The following PIEZO2 variants were observed in gnomAD, a reference collection of about 807,000 sequenced individuals.
PIEZO2 encodes piezo-type mechanosensitive ion channel component 2.
PIEZO2 carries 172 observed loss-of-function variants against 337.3 expected under a neutral mutation model. That is an observed-to-expected ratio of 0.51 (90% confidence interval 0.45 to 0.58). The LOEUF is 0.58. Among genes scored for constraint, PIEZO2 ranks in the 20% least tolerant of loss-of-function variants. PIEZO2 has a pLI of 0.00. For missense variants in PIEZO2, 3,028 were observed against 3,391.3 expected (o/e 0.89, Z 2.66); for synonymous variants, 1,251 against 1,228.5 (o/e 1.02, Z -0.38).
At chr18:11,049,397 C>T (rs1329403832) in intron 2 of PIEZO2, among the ~76,000 whole-genome samples, 3 of 152,192 alleles carry the variant, frequency 2.0e-5, no homozygotes, top group African/African-American at 4.8e-5. Flanking sequence ...CTGCCTAGTA[C>T]AAGGCCTGGT....
Position 10,704,433 on chromosome 18 carries a change from G to A in PIEZO2, c.6219C>T (p.Pro2073=). 6.5e-7 allele frequency: 1 copy of A among 1,537,218 alleles called. No individual in the cohort carries two copies. Among genetic ancestry groups the A allele is most frequent in the Middle Eastern group, 1.7e-4 (1 of 5,988 alleles). The change falls in exon 42 of 56, where the codon CCC becomes CCT. Residue 2073 remains proline, a synonymous_variant. Transcript: ENST00000674853. The part of the protein sequence containing the change: ...FLWAMLSVPR[P]SRRFWMMAIV... The stretch of plus-strand genomic sequence containing the variant: ...TGGCCATCATCCAGAACCGGCGGCT[G>A]GGCCTGGGGACGGACAACATGGCCC...
chr18:10,875,628 G>C (rs2042249764), intron 4 of PIEZO2, among the ~76,000 whole-genome samples: 2 of 152,114 alleles, frequency 1.3e-5, no homozygotes. Flanking sequence ...TCCAAGTACA[G>C]TCGAGAGAAA....
rs1316830314 is a variant in PIEZO2, at chr18:10,698,008, T to A, written c.6695-128A>T. 1.2e-5 allele frequency: 2 copies of A among 164,610 alleles called. 1 individual carries two copies. 10.2% of individuals were successfully genotyped at this position (164,610 alleles called of 1,614,324 possible). ...TCAGGACTGTTTGGGAGGATGAGTA[T>A]GCACGGCCTTGGGATTTGTCCTCAA... On this transcript the variant is annotated intron_variant, in intron 44 of 55. Coordinates refer to ENST00000674853, the MANE Select transcript of PIEZO2 (RefSeq NM_001378183.1).
At chr18:10,964,506 TCTA>T (rs1253146375) in intron 3 of PIEZO2, among the ~76,000 whole-genome samples, 2 of 152,206 alleles carry the variant, frequency 1.3e-5, no homozygotes, top group Admixed American at 6.5e-5. Context: ...TTATTTAAAA[TCTA>T]CTAAATTAGC....
chr18:11,040,996 T>C (rs1352332601), intron 2 of PIEZO2, among the ~76,000 whole-genome samples: 1 of 152,156 alleles, frequency 6.6e-6, no homozygotes, highest in Admixed American at 6.5e-5. Context: ...AACTGTTTTC[T>C]ACAAAACAGC....
At chr18:10,802,848 T>C (rs945216162) in intron 9 of PIEZO2, among the ~76,000 whole-genome samples, 1 of 152,028 alleles carries the variant, frequency 6.6e-6, no homozygotes, top group African/African-American at 2.4e-5. Context: ...GGCACATGCC[T>C]GTAGTCCCAG....
At chr18:11,010,666 G>T (rs1457807607) in intron 2 of PIEZO2, among the ~76,000 whole-genome samples, 2 of 152,150 alleles carry the variant, frequency 1.3e-5, no homozygotes, top group Admixed American at 6.5e-5. Context: ...GAAATGGGGG[G>T]CTCTGAGAAA....
chr18:11,058,070 C>A (rs902036661), intron 2 of PIEZO2, among the ~76,000 whole-genome samples: 1 of 152,108 alleles, frequency 6.6e-6, no homozygotes, highest in Non-Finnish European at 1.5e-5. Context: ...AAAGACTGCC[C>A]CGGTCTACAG....
At position 11,108,262 on chromosome 18, in the gene PIEZO2, G is replaced by A. The variant is rs76001614; in HGVS notation, c.64+40263C>T. Among the ~76,000 whole-genome samples, 46 of 152,176 alleles carry A rather than the reference G, an allele frequency of 3.0e-4. 1 individual carries two copies. The East Asian group carries it at 7.0e-3, about 23-fold the overall frequency. On this transcript the variant is annotated intron_variant, in intron 1 of 55. Transcript: ENST00000674853. ...AGATTCTACCTGCAGAATCTTAGAC[G>A]GGAAAGATCACAGTATAATCAGCTG...
At chr18:10,758,210 A>C in intron 26 of PIEZO2, 76 bp from the exon 27 acceptor site, 1 of 1,418,334 alleles carries the variant, frequency 7.1e-7, no homozygotes, top group Middle Eastern at 1.8e-4. Context: ...CAGTCATCAC[A>C]CAGCAACAGC....
chr18:10,902,020 A>G (rs1333003288), intron 4 of PIEZO2, among the ~76,000 whole-genome samples: 1 of 152,166 alleles, frequency 6.6e-6, no homozygotes, highest in Non-Finnish European at 1.5e-5. Flanking sequence ...CGGGTCACAC[A>G]GCAAGAGGTG....
Position 10,718,266 on chromosome 18 carries a change from A to T in PIEZO2, c.5030-7T>A. Reference sequence around the variant, plus strand: ...TCTTCCCATTCCACAGGACCTGCCAAGTGTGTTCAATAAAGATGAGTTAAA... The same window carrying T: ...TCTTCCCATTCCACAGGACCTGCCATGTGTGTTCAATAAAGATGAGTTAAA... On this transcript the variant is annotated splice_polypyrimidine_tract_variant and splice_region_variant and intron_variant, in intron 36 of 55. Transcript: ENST00000674853. The T allele has an allele frequency of 6.5e-7, 1 of 1,535,636 alleles. No homozygotes were observed.
intron 7 of PIEZO2, among the ~76,000 whole-genome samples, chr18:10,844,102 C>T (rs1598570376): frequency 2.0e-5 from 3 of 152,188 alleles, no homozygotes; most frequent in Non-Finnish European, 2.9e-5. Flanking sequence ...GAGAATTGGG[C>T]TCAAACCCTG....
At chr18:10,745,921 A>T (rs1260273610) in intron 30 of PIEZO2, among the ~76,000 whole-genome samples, 4 of 152,014 alleles carry the variant, frequency 2.6e-5, no homozygotes, top group African/African-American at 4.8e-5. Context: ...TTGAGTTCCT[A>T]TATTTGGGAC....
At chr18:10,702,980 T>A (rs1231919113) in intron 42 of PIEZO2, among the ~76,000 whole-genome samples, 1 of 152,210 alleles carries the variant, frequency 6.6e-6, no homozygotes, top group Non-Finnish European at 1.5e-5. Context: ...GCCTCCCAAG[T>A]AGCTTGGACT....
At chr18:10,978,039 G>A (rs2034514029) in intron 3 of PIEZO2, among the ~76,000 whole-genome samples, 1 of 152,098 alleles carries the variant, frequency 6.6e-6, no homozygotes, top group Non-Finnish European at 1.5e-5. Context: ...CTGCTGAACT[G>A]TGGCCAGGTG....
At chr18:10,758,166 C>T (rs1193141807) in intron 26 of PIEZO2, 32 bp from the exon 27 acceptor site, 1 of 1,531,206 alleles carries the variant, frequency 6.5e-7, no homozygotes, top group Non-Finnish European at 8.7e-7. Context: ...CATTAAGCCG[C>T]CTCATCCTCT....
chr18:11,089,533 C>T (rs1361179337), intron 1 of PIEZO2, among the ~76,000 whole-genome samples: 1 of 152,102 alleles, frequency 6.6e-6, no homozygotes, highest in East Asian at 1.9e-4. Flanking sequence ...TGAAGACAGG[C>T]AAGGAGGGCA....
Position 10,760,963 on chromosome 18 carries a change from A to C in PIEZO2, c.3398T>G (p.Ile1133Ser), listed in dbSNP as rs1459771953. The C allele has an allele frequency of 1.3e-6, 2 of 1,535,370 alleles. No individual in the cohort carries two copies. Among genetic ancestry groups the C allele is most frequent in the African/African-American group, 2.7e-5 (2 of 73,034 alleles). The change falls in exon 24 of 56, where the codon ATT becomes AGT. Residue 1133 changes from isoleucine (I) to serine (S), a missense_variant. Physicochemically the swap from Ile to Ser is moderately radical, Grantham distance 142 (BLOSUM62 -2). Coordinates refer to ENST00000674853, the MANE Select transcript of PIEZO2 (RefSeq NM_001378183.1). Reference protein sequence around the residue: ...ITRLHLDDGLINCAKYFINYF... With the variant: ...ITRLHLDDGLSNCAKYFINYF... The stretch of plus-strand genomic sequence containing the variant: ...ATTAATGAAATATTTGGCACAATTA[A>C]TAAGTCCATCATCTAGATGTAGTCT...
Sources: gnomAD v4.1 joint callset for allele counts (sites outside exome capture counted in the v4.1 genomes callset) on GRCh38, gnomAD v4.1.1 for gene constraint, MANE v1.5 for transcripts, NCBI Gene and HGNC (gene_info 2026-07-23, HGNC 2026-07-21) for gene names.